PARD3B: variants seen among roughly 807,000 people sequenced by gnomAD.
The protein encoded by PARD3B is par-3 family cell polarity regulator beta.
In PARD3B, 103 loss-of-function variants were observed where a neutral mutation model predicts 130.2. The observed-to-expected ratio is 0.79, with a 90% confidence interval of 0.67 to 0.93. The LOEUF (loss-of-function observed/expected upper bound fraction) is 0.93, where lower values mean the gene tolerates loss of function less well. Among genes scored for constraint, PARD3B ranks in the 40% least tolerant of loss-of-function variants. The probability of loss-of-function intolerance (pLI) is 0.00; values close to 1 mark genes in which losing one functional copy is unlikely to be tolerated. For missense variants in PARD3B, 1,609 were observed against 1,499.2 expected, an observed-to-expected ratio of 1.07 and a Z score of -1.21; for synonymous variants, 583 against 553.2, an observed-to-expected ratio of 1.05 and a Z score of -0.76.
chr2:204,910,083 C>T (rs1004336838), intron 2 of PARD3B, among the ~76,000 whole-genome samples: 4 of 151,876 alleles, frequency 2.6e-5, no homozygotes, highest in Middle Eastern at 3.2e-3. Context: ...GAAGATGTTC[C>T]GAGTAAAATG....
At chr2:204,660,724 G>A (rs2035779565) in intron 1 of PARD3B, among the ~76,000 whole-genome samples, 1 of 152,068 alleles carries the variant, frequency 6.6e-6, no homozygotes, top group South Asian at 2.1e-4. Context: ...CCCCCTCTGT[G>A]AAATTATTTT....
chr2:204,792,999 T>C (rs1422704836), intron 2 of PARD3B, among the ~76,000 whole-genome samples: 1 of 152,270 alleles, frequency 6.6e-6, no homozygotes, highest in African/African-American at 2.4e-5. Context: ...TTAGATTTCT[T>C]TAGGCTGCTT....
chr2:205,095,357 T>C (rs1004619808), intron 4 of PARD3B, among the ~76,000 whole-genome samples: 2 of 152,144 alleles, frequency 1.3e-5, no homozygotes, highest in African/African-American at 4.8e-5. Flanking sequence ...TCAGCACTTT[T>C]GAAATGTGTT....
chr2:205,317,703 T>C (rs1473220695), intron 18 of PARD3B, among the ~76,000 whole-genome samples: 1 of 152,142 alleles, frequency 6.6e-6, no homozygotes, highest in African/African-American at 2.4e-5. Context: ...AAAAATTCTC[T>C]GAAAAATAAA....
intron 10 of PARD3B, among the ~76,000 whole-genome samples, chr2:205,156,299 T>A (rs1399149598): frequency 4.0e-5 from 6 of 149,972 alleles, no homozygotes; most frequent in Admixed American, 2.7e-4. Context: ...CATTAGGAGA[T>A]ATACCTAATG....
chr2:205,302,097 C>G (rs1453808930), intron 18 of PARD3B, among the ~76,000 whole-genome samples: 38 of 91,776 alleles, frequency 4.1e-4, no homozygotes, highest in African/African-American at 1.5e-3. Context: ...TTGAGACAGT[C>G]GCGCTTTGTC....
At chr2:204,925,228 T>C (rs1005985360) in intron 2 of PARD3B, among the ~76,000 whole-genome samples, 2 of 152,132 alleles carry the variant, frequency 1.3e-5, no homozygotes, top group Non-Finnish European at 2.9e-5. Flanking sequence ...TTACTTACTG[T>C]GTCTAAGCCT....
chr2:205,357,231 AATAG>A (rs1224146169), intron 18 of PARD3B, among the ~76,000 whole-genome samples: 8 of 152,198 alleles, frequency 5.3e-5, no homozygotes, highest in African/African-American at 1.2e-4. Flanking sequence ...ATTAGCCTTA[AATAG>A]TTCCCTAGGA....
At chr2:204,948,019 A>G (rs1483860281) in intron 2 of PARD3B, among the ~76,000 whole-genome samples, 2 of 152,194 alleles carry the variant, frequency 1.3e-5, no homozygotes, top group Non-Finnish European at 2.9e-5. Context: ...GTATCTTGCT[A>G]TGTTTGCACA....
At position 205,269,776 on chromosome 2, in the gene PARD3B, T is replaced by A. The variant is rs2040648059; in HGVS notation, c.2185+23954T>A. Among the ~76,000 whole-genome samples, 1 of 152,180 alleles carries A rather than the reference T, an allele frequency of 6.6e-6. No homozygotes were observed. Among genetic ancestry groups the A allele is most frequent in the Non-Finnish European group, 1.5e-5 (1 of 68,028 alleles). On this transcript the variant is annotated intron_variant, in intron 16 of 22. Transcript: ENST00000406610. This position sits in a 1 kb window ranked among gnomAD's most constrained non-coding sequence, Gnocchi z 4.7. ...AGTTGAGCAAGCAAGGGGAAATGGATAAGCTAAAAGGCAGCTATGTGCTTC... is the reference window on the plus strand; with the variant it reads ...AGTTGAGCAAGCAAGGGGAAATGGAAAAGCTAAAAGGCAGCTATGTGCTTC...
intron 1 of PARD3B, among the ~76,000 whole-genome samples, chr2:204,629,403 G>C (rs1002208892): frequency 1.3e-5 from 2 of 152,016 alleles, no homozygotes; most frequent in African/African-American, 4.8e-5. Context: ...TTGTGTTCTT[G>C]CCTCTGATTG....
chr2:204,638,937 G>A (rs1443538934), intron 1 of PARD3B, among the ~76,000 whole-genome samples: 3 of 152,030 alleles, frequency 2.0e-5, no homozygotes, highest in African/African-American at 7.3e-5. Context: ...CCCTGGCATG[G>A]GTGCTTATTA....
intron 2 of PARD3B, among the ~76,000 whole-genome samples, chr2:204,864,696 A>G (rs558716541): frequency 5.2e-4 from 79 of 152,130 alleles, no homozygotes; most frequent in Non-Finnish European, 8.8e-4. Flanking sequence ...CTTAAGGTCT[A>G]TCTCCCACTT....
At chr2:205,399,980 C>T (rs1331457687) in intron 18 of PARD3B, among the ~76,000 whole-genome samples, 4 of 152,028 alleles carry the variant, frequency 2.6e-5, no homozygotes, top group South Asian at 4.2e-4. Flanking sequence ...GGTCAAGGTT[C>T]GACACCTCTC....
chr2:204,879,549 A>G (rs1259489714), intron 2 of PARD3B, among the ~76,000 whole-genome samples: 2 of 152,182 alleles, frequency 1.3e-5, no homozygotes, highest in South Asian at 2.1e-4. Context: ...CTTAGATTAT[A>G]TGGCAATGCT....
chr2:204,827,724 A>G (rs1411321203), intron 2 of PARD3B, among the ~76,000 whole-genome samples: 1 of 152,258 alleles, frequency 6.6e-6, no homozygotes, highest in Non-Finnish European at 1.5e-5. Context: ...TGCATGTTAA[A>G]TGTGCTTTAC....
intron 12 of PARD3B, among the ~76,000 whole-genome samples, chr2:205,174,315 A>G (rs946447074): frequency 3.5e-4 from 53 of 152,178 alleles, no homozygotes; most frequent in Admixed American, 2.7e-3. Flanking sequence ...TCAAAAAGCA[A>G]TTTCTATGAG....
chr2:205,104,897 C>T (rs1368205038), intron 5 of PARD3B, among the ~76,000 whole-genome samples: 1 of 152,126 alleles, frequency 6.6e-6, no homozygotes. Flanking sequence ...CTAAATTTAG[C>T]TCTTTGAGTG....
At chr2:204,583,822 A>C (rs1400375709) in intron 1 of PARD3B, among the ~76,000 whole-genome samples, 1 of 152,226 alleles carries the variant, frequency 6.6e-6, no homozygotes, top group Non-Finnish European at 1.5e-5. Context: ...GTATTGATCA[A>C]ACCTCTGTTT....
Sources: gnomAD v4.1 joint callset for allele counts (sites outside exome capture counted in the v4.1 genomes callset) on GRCh38, gnomAD v4.1.1 for gene constraint, Gnocchi (gnomAD v3.1) non-coding constraint, MANE v1.5 for transcripts, NCBI Gene and HGNC (gene_info 2026-07-23, HGNC 2026-07-21) for gene names.